The following CRLF2 variants were observed in gnomAD, a reference collection of about 807,000 sequenced individuals.
CRLF2 encodes cytokine receptor-like factor 2.
In CRLF2, 41 loss-of-function variants were observed where a neutral mutation model predicts 38.7. That is an observed-to-expected ratio of 1.06 (90% confidence interval 0.83 to 1.37). The LOEUF is 1.37. Among genes scored for constraint, CRLF2 ranks in the 40% most tolerant of loss-of-function variants. The pLI is 0.00. For missense variants in CRLF2, 377 were observed against 322.2 expected (o/e 1.17, Z -1.30); for synonymous variants, 140 against 128.8 (o/e 1.09, Z -0.59).
At chrX:1,211,915 T>TGGTGGATGGATGGGTGGATG in intron 1 of CRLF2, among the ~76,000 whole-genome samples, 1 of 108,926 alleles carries the variant, frequency 9.2e-6, no homozygotes, top group African/African-American at 4.1e-5. Flanking sequence ...ATGGATGTAT[T>TGGTGGATGGATGGGTGGATG]GGTGGATGGA....
At chrX:1,198,891 G>C in intron 4 of CRLF2, 167 bp from the exon 5 acceptor site, 1 of 701,454 alleles carries the variant, frequency 1.4e-6, no homozygotes, top group Non-Finnish European at 2.4e-6. Context: ...GCTCACTCCT[G>C]TAAACCCAAC....
intron 2 of CRLF2, among the ~76,000 whole-genome samples, chrX:1,207,559 C>G (rs1366547221): frequency 6.8e-6 from 1 of 147,986 alleles, no homozygotes; most frequent in Non-Finnish European, 1.5e-5. Context: ...CCAACACCCC[C>G]CCCAAGAACT....
chrX:1,197,001 T>A (rs1454237018), intron 5 of CRLF2, 101 bp from the exon 6 acceptor site: 1 of 1,027,318 alleles, frequency 9.7e-7, no homozygotes, highest in East Asian at 2.8e-5. Flanking sequence ...TCTCCCTCAT[T>A]TTTTGGTGTT....
intron 7 of CRLF2, among the ~76,000 whole-genome samples, chrX:1,192,288 C>G (rs2086398794): frequency 6.6e-6 from 1 of 151,750 alleles, no homozygotes; most frequent in Admixed American, 6.6e-5. Context: ...ACCCTCTTCC[C>G]TTTGAAATTC....
chrX:1,207,673 TTTTTGA>T (rs1316580931), intron 2 of CRLF2, among the ~76,000 whole-genome samples: 1 of 151,640 alleles, frequency 6.6e-6, no homozygotes, highest in Non-Finnish European at 1.5e-5. Context: ...TTTTGTTTTG[TTTTTGA>T]GACAGTCTCG....
intron 3 of CRLF2, among the ~76,000 whole-genome samples, chrX:1,205,090 G>A (rs2086668963): frequency 6.6e-6 from 1 of 152,224 alleles, no homozygotes; most frequent in South Asian, 2.1e-4. Flanking sequence ...GCCTCCCATA[G>A]TGCTGGGATT....
rs1159593380 is a variant in CRLF2, at chrX:1,191,039, C to T, written c.974G>A (p.Arg325Lys). 5.0e-6 allele frequency: 2 copies of T among 398,568 alleles called. No homozygotes were observed. The highest frequency in any genetic ancestry group is 8.8e-6 in the Non-Finnish European group (2 of 226,148). 24.7% of individuals were successfully genotyped at this position (398,568 alleles called of 1,614,324 possible). A position where few individuals can be genotyped will look rare whatever the true frequency, so the allele number is the denominator to read the frequency against. ...QLAKTEAESP[R>K]MLDPQTEEKE... ...CTCCTCGGTCTGTGGGTCCAGCATC[C>T]TGGGAGACTCGGCTTCAGTCTTGGC... The change falls in exon 8 of 8, where the codon AGG (arginine) becomes AAG (lysine). Residue 325 changes from arginine to lysine, a missense_variant. Physicochemically the swap from Arg to Lys is conservative, Grantham distance 26. Transcript: ENST00000400841.
intron 6 of CRLF2, among the ~76,000 whole-genome samples, chrX:1,194,164 C>T (rs1469210661): frequency 1.2e-4 from 18 of 151,952 alleles, no homozygotes; most frequent in African/African-American, 4.4e-4. Context: ...GTGGCGTCTG[C>T]GTGTAGTCCC....
At chrX:1,195,796 T>G (rs1359010186) in intron 6 of CRLF2, among the ~76,000 whole-genome samples, 10 of 89,854 alleles carry the variant, frequency 1.1e-4, no homozygotes, top group African/African-American at 3.7e-4. Context: ...TTATATATAT[T>G]TATATATTAT....
intron 2 of CRLF2, 36 bp from the exon 3 acceptor site, chrX:1,206,635 C>CA (rs1435126193): frequency 3.8e-6 from 6 of 1,594,320 alleles, no homozygotes; most frequent in Admixed American, 3.5e-5. Flanking sequence ...AGCAACAAAA[C>CA]AAAAAAGCAT....
chrX:1,193,781 C>CAAAAAAAA (rs1176813644), intron 6 of CRLF2, among the ~76,000 whole-genome samples: 2 of 58,962 alleles, frequency 3.4e-5, no homozygotes, highest in African/African-American at 1.7e-4. Flanking sequence ...GACTCCATCT[C>CAAAAAAAA]AAAAAAAAAA....
chrX:1,200,424 A>G (rs1452863968), intron 4 of CRLF2, among the ~76,000 whole-genome samples: 1 of 104,970 alleles, frequency 9.5e-6, no homozygotes, highest in Non-Finnish European at 2.1e-5. Flanking sequence ...AGCTGTGTAT[A>G]TGTGTGTATA....
chrX:1,210,644 T>C (rs2086781228), intron 1 of CRLF2, among the ~76,000 whole-genome samples: 1 of 152,094 alleles, frequency 6.6e-6, no homozygotes, highest in Non-Finnish European at 1.5e-5. Flanking sequence ...AGTTACAGGT[T>C]TGGAAAGATG....
intron 7 of CRLF2, among the ~76,000 whole-genome samples, chrX:1,192,585 TCTTC>T (rs2086403926): frequency 6.6e-6 from 1 of 151,748 alleles, no homozygotes; most frequent in Non-Finnish European, 1.5e-5. Flanking sequence ...CATTTTTCTT[TCTTC>T]CTTCCTTTCT....
intron 2 of CRLF2, among the ~76,000 whole-genome samples, chrX:1,208,251 C>T (rs2086727021): frequency 1.3e-5 from 2 of 152,078 alleles, no homozygotes; most frequent in South Asian, 4.1e-4. Flanking sequence ...CTGTTAATCT[C>T]CCGTGAAGAA....
At chrX:1,202,349 C>T (rs2086622145) in intron 4 of CRLF2, 53 bp downstream of exon 4, 1 of 1,608,228 alleles carries the variant, frequency 6.2e-7, no homozygotes, top group South Asian at 1.1e-5. Context: ...CCACAGCCCG[C>T]ACCTGGGGGA....
Position 1,198,563 on chromosome X carries a change from C to A in CRLF2, c.645G>T (p.Arg215=), listed in dbSNP as rs770380646. Residue 215 remains arginine (R), a splice_region_variant and synonymous_variant, in exon 5 of 8, where the codon CGG becomes CGT. Coordinates refer to ENST00000400841, the MANE Select transcript of CRLF2 (RefSeq NM_022148.4). ...EVTCWQRGEI[R]DACAETPTPP... is the part of the protein sequence containing the mutation. ...ACACTGCCGCGTAACAAGCATTACC[C>A]CGAATCTCGCCTCTCTGCCAGCATG... 6.2e-7 allele frequency: 1 copy of A among 1,613,628 alleles called. No individual in the cohort carries two copies. The highest frequency in any genetic ancestry group is 1.7e-5 in the Admixed American group (1 of 59,988).
In CRLF2 at chrX:1,211,477, A is replaced by T. The variant is rs111161727; in HGVS notation, c.79+1079T>A. ...GATGGATGGGTGGATGGGTGGATGG[A>T]TGGATGGATGGATGGATAAGTGGAT... On this transcript the variant is annotated intron_variant, in intron 1 of 7. Coordinates refer to ENST00000400841, the MANE Select transcript of CRLF2 (RefSeq NM_022148.4). 8.4e-5 allele frequency among the ~76,000 whole-genome samples: 6 copies of T among 71,624 alleles called. No individual in the cohort carries two copies. In the Admixed American group the frequency reaches 9.1e-4, roughly 11 times the overall value. The allele number at this position is 71,624 out of a possible 152,430, so 47.0% of individuals were successfully genotyped here. A position where few individuals can be genotyped will look rare whatever the true frequency, so the allele number is the denominator to read the frequency against.
At chrX:1,194,251 G>C (rs1245437807) in intron 6 of CRLF2, among the ~76,000 whole-genome samples, 130,831 of 150,632 alleles carry the variant, frequency 0.87, 57,024 homozygotes, top group African/African-American at 0.92. Flanking sequence ...GATCACACCA[G>C]TGCTCTCCAG....
Sources: allele counts gnomAD v4.1 joint callset (sites outside exome capture counted in the v4.1 genomes callset), GRCh38; gene constraint gnomAD v4.1.1; transcripts MANE v1.5; gene names NCBI Gene and HGNC (gene_info 2026-07-23, HGNC 2026-07-21).